Variants in RNLS observed in about 807,000 individuals in gnomAD.
The protein encoded by RNLS is renalase, FAD dependent amine oxidase.
Under a neutral mutation model 39.8 loss-of-function variants are expected in RNLS, and 39 were observed. The ratio of observed to expected loss-of-function variants is 0.98; its 90% confidence interval spans 0.76 to 1.28. The LOEUF is 1.28. RNLS is among the 50% of genes most tolerant of loss of function. The pLI is 0.00. For missense variants in RNLS, 410 were observed against 413.3 expected (o/e 0.99, Z 0.07); for synonymous variants, 147 against 150.7 (o/e 0.98, Z 0.18).
chr10:88,394,758 G>A (rs541054585), intron 4 of RNLS, among the ~76,000 whole-genome samples: 24 of 152,104 alleles, frequency 1.6e-4, no homozygotes, highest in Non-Finnish European at 3.2e-4. Flanking sequence ...TGTTTATAGC[G>A]GCACTATTCA....
chr10:88,180,174 A>G, the RNLS span, among the ~76,000 whole-genome samples: 2,717 of 152,338 alleles, frequency 0.018, 90 homozygotes, highest in African/African-American at 0.061. Flanking sequence ...TCAAAGCTAG[A>G]TCTGCTTATA....
At chr10:88,365,226 C>A (rs1849968793) in intron 4 of RNLS, among the ~76,000 whole-genome samples, 1 of 151,464 alleles carries the variant, frequency 6.6e-6, no homozygotes, top group South Asian at 2.1e-4. Flanking sequence ...TGGACATTCA[C>A]TGACAAAAAC....
chr10:88,491,109 T>C (rs1313620641), intron 4 of RNLS, among the ~76,000 whole-genome samples: 1 of 152,096 alleles, frequency 6.6e-6, no homozygotes, highest in East Asian at 1.9e-4. Flanking sequence ...TCTCCCTTTT[T>C]TGAGGGAACT....
intron 5 of RNLS, among the ~76,000 whole-genome samples, chr10:88,337,863 C>T (rs763218789): frequency 5.9e-5 from 9 of 152,058 alleles, no homozygotes; most frequent in Non-Finnish European, 1.0e-4. Context: ...TATTTATGCT[C>T]GTTCTTACAA....
intron 6 of RNLS, among the ~76,000 whole-genome samples, chr10:88,306,609 C>G (rs1844933943): frequency 6.6e-6 from 1 of 152,106 alleles, no homozygotes; most frequent in African/African-American, 2.4e-5. Context: ...GATACATACA[C>G]CCTCCCAAGA....
chr10:88,312,681 A>G (rs1845464798), intron 6 of RNLS, among the ~76,000 whole-genome samples: 1 of 152,230 alleles, frequency 6.6e-6, no homozygotes, highest in Non-Finnish European at 1.5e-5. Context: ...GACTGCTTTT[A>G]AAACATATAT....
rs879437035 is a variant in RNLS at position 88,419,095 on chromosome 10, CT to C, written c.527-56371del. ...GGAGGCCTAGATTCCTTAGGATTCCCTTTAAATCTGACCTCAGATTGTTTGC... is the reference window on the plus strand; with the variant it reads ...GGAGGCCTAGATTCCTTAGGATTCCCTTAAATCTGACCTCAGATTGTTTGC... On this transcript the variant is annotated intron_variant, in intron 4 of 6. Transcript: ENST00000331772. Among the ~76,000 whole-genome samples, 32 of 152,236 alleles carry C rather than the reference CT, an allele frequency of 2.1e-4. 1 individual carries two copies. The highest frequency in any genetic ancestry group is 2.0e-3 in the Admixed American group (30 of 15,294).
rs548434435 is a variant in RNLS at position 88,436,991 on chromosome 10, AACAC to A, written c.527-74270_527-74267del. Among the ~76,000 whole-genome samples the A allele has an allele frequency of 1.2e-3, 176 of 152,374 alleles. 5 individuals carry two copies. In the South Asian group the frequency reaches 0.033, roughly 29 times the overall value. ...TTGAAATGGCATGATTTATTGATGA[AACAC>A]ACAAATAATAGAGGTGATGCTTACA... On this transcript the variant is annotated intron_variant, in intron 4 of 6. Transcript: ENST00000331772.
intron 4 of RNLS, among the ~76,000 whole-genome samples, chr10:88,463,829 C>CTG (rs956619654): frequency 5.9e-5 from 9 of 151,422 alleles, no homozygotes; most frequent in Middle Eastern, 3.4e-3. Flanking sequence ...GTGTTTATCT[C>CTG]TGTGTGTGTG....
intron 6 of RNLS, among the ~76,000 whole-genome samples, chr10:88,303,630 T>C (rs1301976137): frequency 5.3e-5 from 8 of 152,200 alleles, no homozygotes; most frequent in Admixed American, 5.2e-4. Flanking sequence ...TGCATGTCTG[T>C]ATGGGGTGGG....
intron 4 of RNLS, among the ~76,000 whole-genome samples, chr10:88,509,591 A>T (rs528043048): frequency 6.6e-6 from 1 of 152,242 alleles, no homozygotes; most frequent in South Asian, 2.1e-4. Context: ...CTTTTTAAAA[A>T]TGCCACAAAA....
At chr10:88,401,433 A>G (rs1852909588) in intron 4 of RNLS, among the ~76,000 whole-genome samples, 1 of 152,024 alleles carries the variant, frequency 6.6e-6, no homozygotes, top group South Asian at 2.1e-4. Flanking sequence ...TAAACACCAG[A>G]ATAGAGTGTT....
chr10:88,419,593 GA>G lies in RNLS; in HGVS notation c.527-56869del, dbSNP rs113459900. On this transcript the variant is annotated intron_variant, in intron 4 of 6. Transcript: ENST00000331772. Reference sequence around the variant, plus strand: ...TTTTTAAAGATGTAACAATCAGAAGGAAAAAACTATTAAACTATTCAGTTGC... The same window carrying G: ...TTTTTAAAGATGTAACAATCAGAAGGAAAAACTATTAAACTATTCAGTTGC... Among the ~76,000 whole-genome samples, 43 of 152,106 alleles carry G rather than the reference GA, an allele frequency of 2.8e-4. 1 individual carries two copies. Among genetic ancestry groups the G allele is most frequent in the African/African-American group, 9.4e-4 (39 of 41,530 alleles).
At chr10:88,361,939 C>T (rs1401294508) in intron 5 of RNLS, among the ~76,000 whole-genome samples, 2 of 152,140 alleles carry the variant, frequency 1.3e-5, no homozygotes, top group Non-Finnish European at 2.9e-5. Context: ...GTTTTTCTTA[C>T]AATTCAAATC....
intron 5 of RNLS, among the ~76,000 whole-genome samples, chr10:88,326,764 G>A (rs916377019): frequency 6.6e-6 from 1 of 152,184 alleles, no homozygotes; most frequent in African/African-American, 2.4e-5. Context: ...CTTGCACCAT[G>A]CAGCTGGAAA....
chr10:88,284,546 T>C lies in RNLS; in HGVS notation c.*808A>G, dbSNP rs1843141213. 24 of 985,238 alleles carry C rather than the reference T, an allele frequency of 2.4e-5. No homozygotes were observed. Among genetic ancestry groups the C allele is most frequent in the Non-Finnish European group, 2.9e-5 (24 of 829,902 alleles). The allele number at this position is 985,238 out of a possible 1,614,324, so 61.0% of individuals were successfully genotyped here. ...TAAATTTTTTGTTGTGTTAAATTCATTAAACTCGACACAGTCTAAATGCCA... is the reference window on the plus strand; with the variant it reads ...TAAATTTTTTGTTGTGTTAAATTCACTAAACTCGACACAGTCTAAATGCCA... On this transcript the variant is annotated 3_prime_UTR_variant, in exon 7 of 7. Coordinates refer to ENST00000331772, the MANE Select transcript of RNLS (RefSeq NM_001031709.3).
At chr10:88,364,080 C>A (rs1014261071) in intron 4 of RNLS, among the ~76,000 whole-genome samples, 1 of 152,088 alleles carries the variant, frequency 6.6e-6, no homozygotes, top group African/African-American at 2.4e-5. Context: ...ATCTCCAATA[C>A]CCCTACCTTT....
the RNLS span, among the ~76,000 whole-genome samples, chr10:88,262,428 A>T: frequency 1.3e-5 from 2 of 152,206 alleles, no homozygotes; most frequent in African/African-American, 4.8e-5. Context: ...ATTCAAGTTC[A>T]AGGAACAGGA....
rs1217903555 is a variant in RNLS, at chr10:88,310,824, A to AAAAAAAAAAAAAAAAAAAAAAAAAG, written c.876+3641_876+3642insCTTTTTTTTTTTTTTTTTTTTTTTT. 8.3e-4 allele frequency among the ~76,000 whole-genome samples: 94 copies of AAAAAAAAAAAAAAAAAAAAAAAAAG among 113,426 alleles called. 6 individuals carry two copies. Among genetic ancestry groups the AAAAAAAAAAAAAAAAAAAAAAAAAG allele is most frequent in the Non-Finnish European group, 1.3e-3 (69 of 52,424 alleles). The allele number at this position is 113,426 out of a possible 152,430, so 74.4% of individuals were successfully genotyped here. ...GCCAAAAAAAAAAAAAAAAAAAAAAAAAAGAAAGAAAAGGAAGAGAAAAGG... is the reference window on the plus strand; with the variant it reads ...GCCAAAAAAAAAAAAAAAAAAAAAAAAAAAAAAAAAAAAAAAAAAAAAAAGAAAGAAAGAAAAGGAAGAGAAAAGG... On this transcript the variant is annotated intron_variant, in intron 6 of 6. Coordinates refer to ENST00000331772, the MANE Select transcript of RNLS (RefSeq NM_001031709.3).
Sources: allele counts gnomAD v4.1 joint callset (sites outside exome capture counted in the v4.1 genomes callset), GRCh38; gene constraint gnomAD v4.1.1; transcripts MANE v1.5; gene names NCBI Gene and HGNC (gene_info 2026-07-23, HGNC 2026-07-21).